DCAF1: variants seen among roughly 807,000 people sequenced by gnomAD.
DCAF1 encodes the protein DDB1 and CUL4 associated factor 1, also known as DDB1- and CUL4-associated factor 1.
In DCAF1, 15 loss-of-function variants were observed where a neutral mutation model predicts 128.0. The observed-to-expected ratio is 0.12, with a 90% confidence interval of 0.08 to 0.18. The LOEUF is 0.18. Ranked by LOEUF, DCAF1 falls within the 10% of genes least tolerant of loss-of-function variation. The probability of loss-of-function intolerance (pLI) is 1.00; values close to 1 mark genes in which losing one functional copy is unlikely to be tolerated. For missense variants in DCAF1, 988 were observed against 1,649.5 expected (o/e 0.60, Z 6.95); for synonymous variants, 610 against 603.0 (o/e 1.01, Z -0.17).
chr3:51,440,188 T>G, intron 9 of DCAF1: 1 of 507,412 alleles, frequency 2.0e-6, no homozygotes, highest in Non-Finnish European at 3.9e-6. Flanking sequence ...ATAGTAAGCC[T>G]CCTCTCTTCT....
intron 1 of DCAF1, among the ~76,000 whole-genome samples, chr3:51,498,322 T>G (rs1553662376): frequency 6.9e-6 from 1 of 145,330 alleles, no homozygotes; most frequent in East Asian, 2.0e-4. Context: ...ATCGCGCCAC[T>G]GCACTCTAGC....
At chr3:51,488,758 G>A (rs1329033896) in intron 2 of DCAF1, among the ~76,000 whole-genome samples, 12 of 151,876 alleles carry the variant, frequency 7.9e-5, no homozygotes, top group African/African-American at 2.2e-4. Flanking sequence ...AGCCAAGATC[G>A]CGCCACTGCA....
intron 1 of DCAF1, among the ~76,000 whole-genome samples, chr3:51,498,989 C>CA (rs753126679): frequency 2.2e-4 from 34 of 152,004 alleles, no homozygotes; most frequent in Non-Finnish European, 4.6e-4. Flanking sequence ...AAGGCTTCAT[C>CA]AAAAAAACAG....
chr3:51,408,572 TA>T (rs1381074100), intron 23 of DCAF1, among the ~76,000 whole-genome samples: 2 of 151,946 alleles, frequency 1.3e-5, no homozygotes, highest in African/African-American at 4.8e-5. Context: ...AAAGTGAGTT[TA>T]AAAAAAATTC....
At chr3:51,440,335 G>T (rs1404890076) in intron 9 of DCAF1, among the ~76,000 whole-genome samples, 1 of 152,122 alleles carries the variant, frequency 6.6e-6, no homozygotes, top group South Asian at 2.1e-4. Flanking sequence ...AGTGACACAG[G>T]GTATGGTGGC....
intron 14 of DCAF1, among the ~76,000 whole-genome samples, chr3:51,421,770 G>A (rs1553632545): frequency 6.6e-6 from 1 of 152,098 alleles, no homozygotes; most frequent in Non-Finnish European, 1.5e-5. Flanking sequence ...TCTTAATAAA[G>A]TATATTATCA....
rs527501506 is a variant in DCAF1 at position 51,413,972 on chromosome 3, G to A, written c.3909C>T (p.His1303=). 9 of 1,594,486 alleles carry A rather than the reference G, an allele frequency of 5.6e-6. No homozygotes were observed. The South Asian group carries it at 1.0e-4, about 18-fold the overall frequency. Residue 1303 remains histidine (H), a synonymous_variant, in exon 20 of 25, where the codon CAC becomes CAT. Transcript: ENST00000684031. ...ALDQCRVVFN[H]TGTVMYGAML... is the part of the protein sequence containing the mutation. ...TACCTCCATACATCACTGTTCCCGT[G>A]TGATTGAACACCACGCGACACTGAT...
upstream of DCAF1, chr3:51,500,075 C>T (rs534477477): frequency 9.2e-5 from 12 of 131,036 alleles, no homozygotes; most frequent in East Asian, 2.6e-3. Flanking sequence ...GGCGCGAGGA[C>T]CGCGAGCAAG....
intron 2 of DCAF1, among the ~76,000 whole-genome samples, chr3:51,488,991 A>T (rs1553656715): frequency 6.6e-6 from 1 of 152,228 alleles, no homozygotes; most frequent in East Asian, 1.9e-4. Context: ...GTAACACTCA[A>T]TAAACTAGGA....
At chr3:51,454,630 T>A (rs1004824906) in intron 6 of DCAF1, among the ~76,000 whole-genome samples, 5 of 152,186 alleles carry the variant, frequency 3.3e-5, no homozygotes, top group African/African-American at 1.2e-4. Context: ...CCCAAAGTGC[T>A]GGGATTACAG....
Position 51,446,424 on chromosome 3 carries a change from T to C in DCAF1, c.376-2521A>G, listed in dbSNP as rs557087818. On this transcript the variant is annotated intron_variant, in intron 6 of 24. Transcript: ENST00000684031. ...AGTCAGGTGTTTGAAGTCAGGAGTT[T>C]GAAACCAGCCTAGGCAACGTAGCAA... Among the ~76,000 whole-genome samples, 9 of 152,124 alleles carry C rather than the reference T, an allele frequency of 5.9e-5. No individual in the cohort carries two copies. In the South Asian group the frequency reaches 1.9e-3, roughly 32 times the overall value.
chr3:51,414,982 C>A (rs1698749539), intron 18 of DCAF1, 125 bp from the exon 19 acceptor site: 1 of 1,373,148 alleles, frequency 7.3e-7, no homozygotes, highest in Non-Finnish European at 9.7e-7. Context: ...TCAATGATTA[C>A]CACAGAATAC....
intron 3 of DCAF1, among the ~76,000 whole-genome samples, chr3:51,471,269 T>C (rs28452990): frequency 0.038 from 5,728 of 151,160 alleles, 382 homozygotes; most frequent in African/African-American, 0.13. Context: ...CTGCAAGCTC[T>C]ACCTCCTGGG....
chr3:51,450,439 G>A (rs953925751), intron 6 of DCAF1, among the ~76,000 whole-genome samples: 3 of 151,998 alleles, frequency 2.0e-5, no homozygotes, highest in Middle Eastern at 3.2e-3. Flanking sequence ...CTAAATCTCA[G>A]GAATTCAAAG....
At chr3:51,407,823 AC>A (rs1553627143) in intron 23 of DCAF1, among the ~76,000 whole-genome samples, 1 of 151,914 alleles carries the variant, frequency 6.6e-6, no homozygotes, top group Non-Finnish European at 1.5e-5. Flanking sequence ...CCCCATCTCT[AC>A]TAAAAATACA....
At chr3:51,476,748 G>A (rs184078911) in intron 3 of DCAF1, among the ~76,000 whole-genome samples, 309 of 151,822 alleles carry the variant, frequency 2.0e-3, no homozygotes, top group Admixed American at 3.9e-3. Context: ...TGTGTTGGCG[G>A]GTGCCTGTAA....
chr3:51,401,238 G>A (rs1358694010), intron 24 of DCAF1, among the ~76,000 whole-genome samples: 5 of 151,618 alleles, frequency 3.3e-5, no homozygotes, highest in Non-Finnish European at 4.4e-5. Context: ...CAGGGCCTAC[G>A]TAAAGGTACG....
chr3:51,453,640 A>C (rs1702577171), intron 6 of DCAF1, among the ~76,000 whole-genome samples: 1 of 151,874 alleles, frequency 6.6e-6, no homozygotes, highest in Admixed American at 6.6e-5. Context: ...AAGAAGATTA[A>C]AATTTTAATA....
At chr3:51,475,177 A>T (rs1705281259) in intron 3 of DCAF1, among the ~76,000 whole-genome samples, 1 of 151,614 alleles carries the variant, frequency 6.6e-6, no homozygotes, top group African/African-American at 2.4e-5. Context: ...CAATACTTCC[A>T]CCTCAGCTTC....
Sources: gnomAD v4.1 joint callset for allele counts (sites outside exome capture counted in the v4.1 genomes callset) on GRCh38, gnomAD v4.1.1 for gene constraint, MANE v1.5 for transcripts, NCBI Gene and HGNC (gene_info 2026-07-23, HGNC 2026-07-21) for gene names.